Variants in DOK1 observed in about 807,000 individuals in gnomAD.
DOK1 encodes the protein Downstream of tyrosine kinase 1.
DOK1 carries 12 observed loss-of-function variants against 24.0 expected under a neutral mutation model. The observed-to-expected ratio is 0.50, with a 90% confidence interval of 0.32 to 0.81. The LOEUF (loss-of-function observed/expected upper bound fraction) is 0.81. DOK1 is among the 30% of genes least tolerant of loss of function. The pLI, the probability that DOK1 is intolerant of heterozygous loss-of-function variation, is 0.03. For synonymous variants in DOK1, 250 were observed against 260.9 expected, an observed-to-expected ratio of 0.96 and a Z score of 0.40; for missense variants, 591 against 620.7, an observed-to-expected ratio of 0.95 and a Z score of 0.51.
chr2:74,552,792 G>A (rs1399669321), upstream of DOK1: 3 of 693,152 alleles, frequency 4.3e-6, no homozygotes, highest in Admixed American at 9.2e-5. Context: ...AGAGCCCCAG[G>A]GACCAAGAGA....
upstream of DOK1, chr2:74,550,330 T>C (rs1381675584): frequency 1.2e-6 from 2 of 1,613,674 alleles, no homozygotes; most frequent in African/African-American, 2.7e-5. Context: ...GCAGCTCAAG[T>C]TGTCCAGCCA....
At position 74,556,169 on chromosome 2, in the gene DOK1, C is replaced by T. The variant is rs1677449504; in HGVS notation, c.639+91C>T. 2 of 1,529,752 alleles carry T rather than the reference C, an allele frequency of 1.3e-6. No individual in the cohort carries two copies. Among genetic ancestry groups the T allele is most frequent in the African/African-American group, 1.4e-5 (1 of 72,248 alleles). 94.8% of individuals were successfully genotyped at this position (1,529,752 alleles called of 1,614,324 possible). Reference sequence around the variant, plus strand: ...AAGTGGGAAGCTCTGACCTTTGGATCCCCCTTTCTTGCCTACCCGGTGACC... The same window carrying T: ...AAGTGGGAAGCTCTGACCTTTGGATTCCCCTTTCTTGCCTACCCGGTGACC... On this transcript the variant is annotated intron_variant, in intron 4 of 4. Transcript: ENST00000233668. The surrounding 1 kb of genome is among the most constrained non-coding windows in gnomAD (Gnocchi z 4.1).
chr2:74,552,625 C>G, upstream of DOK1: 1 of 1,560,234 alleles, frequency 6.4e-7, no homozygotes, highest in Non-Finnish European at 8.7e-7. Context: ...CAGACACTGA[C>G]AGGTCGCATG....
In DOK1 at chr2:74,549,475, C is replaced by A. The variant is rs201296491; in HGVS notation, c.-358+303C>A. 1 of 1,613,380 alleles carries A rather than the reference C, an allele frequency of 6.2e-7. No homozygotes were observed. On this transcript the variant is annotated intron_variant, in intron 1 of 4. Coordinates refer to the DOK1 transcript ENST00000409429. This position sits in a 1 kb window ranked among gnomAD's most constrained non-coding sequence, Gnocchi z 5.3. ...CCTTTGTCGCACACTTGCGACCAGCCGTCAGGAAGCCTGACTTCCACCAGC... is the reference window on the plus strand; with the variant it reads ...CCTTTGTCGCACACTTGCGACCAGCAGTCAGGAAGCCTGACTTCCACCAGC...
upstream of DOK1, among the ~76,000 whole-genome samples, chr2:74,553,433 T>C (rs1310840669): frequency 6.6e-6 from 1 of 152,032 alleles, no homozygotes; most frequent in Non-Finnish European, 1.5e-5. Context: ...TGGGGTAGGG[T>C]TGTCCCAGCC....
chr2:74,555,136 C>T lies in DOK1; in HGVS notation c.61-18C>T, dbSNP rs896042079. 30 of 1,566,248 alleles carry T rather than the reference C, an allele frequency of 1.9e-5. No individual in the cohort carries two copies. The highest frequency in any genetic ancestry group is 2.4e-5 in the Non-Finnish European group (28 of 1,151,662). On this transcript the variant is annotated intron_variant, in intron 1 of 4. Transcript: ENST00000233668. This position sits in a 1 kb window ranked among gnomAD's most constrained non-coding sequence, Gnocchi z 6.1. ...TGCGCACGCCACTCCCTCTCGAGCA[C>T]TCTCTCTCTCTCCCTAGAGGTGGAG...
chr2:74,553,834 T>A (rs1226136657), upstream of DOK1: 1 of 151,318 alleles, frequency 6.6e-6, no homozygotes. Flanking sequence ...ATCCTCTCCA[T>A]CCCCTACTCA....
At position 74,555,407 on chromosome 2, in the gene DOK1, C is replaced by G. The variant is rs199739083; in HGVS notation, c.314C>G (p.Pro105Arg). ...QRSHLLAADA[P>R]SSAAWVQTLC... ...TCGCACCTGCTGGCGGCCGACGCGC[C>G]GTCCAGTGCAGCCTGGGTGCAGACG... Residue 105 changes from proline (P) to arginine (R), a missense_variant, in exon 2 of 5, where the codon CCG becomes CGG. By Grantham distance (103) the Pro-to-Arg change is moderately radical. Coordinates refer to ENST00000233668, the MANE Select transcript of DOK1 (RefSeq NM_001381.5). This position sits in a 1 kb window ranked among gnomAD's most constrained non-coding sequence, Gnocchi z 6.1. The G allele has an allele frequency of 3.7e-4, 590 of 1,611,398 alleles. 5 individuals carry two copies. The East Asian group carries it at 0.011, about 30-fold the overall frequency.
Position 74,557,011 on chromosome 2 carries a change from T to C in DOK1, c.1343T>C (p.Leu448Pro). The C allele has an allele frequency of 1.2e-6, 2 of 1,614,182 alleles. No individual in the cohort carries two copies. Among genetic ancestry groups the C allele is most frequent in the Non-Finnish European group, 1.7e-6 (2 of 1,180,040 alleles). The stretch of plus-strand genomic sequence containing the variant: ...GGCATCAAAAGCCACAACTCAGCCC[T>C]GTACAGCCAGGTCCAGAAGAGCGGG... ...GSGIKSHNSALYSQVQKSGAS... is the reference protein window; with the variant it reads ...GSGIKSHNSAPYSQVQKSGAS... The change falls in exon 5 of 5, where the codon CTG (leucine) becomes CCG (proline). Residue 448 changes from leucine to proline, a missense_variant. By Grantham distance (98) the Leu-to-Pro change is moderately conservative. Coordinates refer to ENST00000233668, the MANE Select transcript of DOK1 (RefSeq NM_001381.5).
chr2:74,556,177 C>T lies in DOK1; in HGVS notation c.639+99C>T, dbSNP rs542949683. On this transcript the variant is annotated intron_variant, in intron 4 of 4. Transcript: ENST00000233668. The surrounding 1 kb of genome is among the most constrained non-coding windows in gnomAD (Gnocchi z 4.1). ...AGCTCTGACCTTTGGATCCCCCTTT[C>T]TTGCCTACCCGGTGACCCCGCGTCT... 1,764 of 1,529,878 alleles carry T rather than the reference C, an allele frequency of 1.2e-3. 2 individuals carry two copies. The highest frequency in any genetic ancestry group is 5.1e-3 in the Middle Eastern group (29 of 5,648). 94.8% of individuals were successfully genotyped at this position (1,529,878 alleles called of 1,614,324 possible). A position where few individuals can be genotyped will look rare whatever the true frequency, so the allele number is the denominator to read the frequency against.
At position 74,554,891 on chromosome 2, in the gene DOK1, C is replaced by T. The variant is rs1677305204; in HGVS notation, c.60+77C>T. On this transcript the variant is annotated intron_variant, in intron 1 of 4. Coordinates refer to ENST00000233668, the MANE Select transcript of DOK1 (RefSeq NM_001381.5). This position sits in a 1 kb window ranked among gnomAD's most constrained non-coding sequence, Gnocchi z 4.9. ...GAGCCCAGAAACAGGGAGAGGTGGG[C>T]AGCGGGCTGGAGAGCGGCGCCGGGA... is the stretch of plus-strand genomic sequence containing the variant. 6.9e-6 allele frequency: 11 copies of T among 1,589,816 alleles called. No homozygotes were observed. Among genetic ancestry groups the T allele is most frequent in the Non-Finnish European group, 9.4e-6 (11 of 1,167,410 alleles).
chr2:74,555,947 C>T lies in DOK1; in HGVS notation c.508C>T (p.Leu170=), dbSNP rs773703363. The stretch of plus-strand genomic sequence containing the variant: ...GACTGAGGCCGCCGAGCGCTGTGGC[C>T]TGCATGGCTCCTACGTGCTGAGGGT... ...QRTEAAERCG[L]HGSYVLRVEA... The change falls in exon 4 of 5, where the codon CTG becomes TTG. Residue 170 remains leucine, a synonymous_variant. Transcript: ENST00000233668. This position sits in a 1 kb window ranked among gnomAD's most constrained non-coding sequence, Gnocchi z 6.1. The T allele has an allele frequency of 6.8e-6, 11 of 1,613,780 alleles. No homozygotes were observed. Among genetic ancestry groups the T allele is most frequent in the Non-Finnish European group, 9.3e-6 (11 of 1,179,856 alleles).
rs201296491 is a variant in DOK1 at position 74,549,475 on chromosome 2, C to T, written c.-358+303C>T. On this transcript the variant is annotated intron_variant, in intron 1 of 4. Coordinates refer to the DOK1 transcript ENST00000409429. This position sits in a 1 kb window ranked among gnomAD's most constrained non-coding sequence, Gnocchi z 5.3. The stretch of plus-strand genomic sequence containing the variant: ...CCTTTGTCGCACACTTGCGACCAGC[C>T]GTCAGGAAGCCTGACTTCCACCAGC... 3.7e-5 allele frequency: 59 copies of T among 1,613,380 alleles called. No individual in the cohort carries two copies. The highest frequency in any genetic ancestry group is 4.7e-5 in the Non-Finnish European group (56 of 1,179,788).
At position 74,556,495 on chromosome 2, in the gene DOK1, A is replaced by G. The variant is rs754387292; in HGVS notation, c.827A>G (p.Glu276Gly). 2 of 1,614,098 alleles carry G rather than the reference A, an allele frequency of 1.2e-6. No individual in the cohort carries two copies. The highest frequency in any genetic ancestry group is 1.1e-5 in the South Asian group (1 of 91,084). ...RADSHEGEVA[E>G]GKLPSPPGPQ... Reference sequence around the variant, plus strand: ...GACTCCCATGAAGGGGAGGTGGCAGAGGGGAAGTTGCCTTCCCCACCTGGC... The same window carrying G: ...GACTCCCATGAAGGGGAGGTGGCAGGGGGGAAGTTGCCTTCCCCACCTGGC... The change falls in exon 5 of 5, where the codon GAG becomes GGG. Residue 276 changes from glutamate to glycine, a missense_variant. Transcript: ENST00000233668. This position sits in a 1 kb window ranked among gnomAD's most constrained non-coding sequence, Gnocchi z 4.1.
chr2:74,550,395 TG>T (rs1187697109), upstream of DOK1: 1 of 1,587,516 alleles, frequency 6.3e-7, no homozygotes, highest in Non-Finnish European at 8.6e-7. Flanking sequence ...GGAGGGAGGA[TG>T]GGGGAGTAAT....
At chr2:74,552,354 C>G, upstream of DOK1, 1 of 1,607,184 alleles carries the variant, frequency 6.2e-7, no homozygotes, top group East Asian at 2.2e-5. Context: ...ACTGTGGGTC[C>G]AGCCTGTGGC....
At chr2:74,550,678 C>T (rs967969804), upstream of DOK1, among the ~76,000 whole-genome samples, 2 of 152,194 alleles carry the variant, frequency 1.3e-5, no homozygotes, top group African/African-American at 4.8e-5. Context: ...GCCAGGTGCT[C>T]TGCCATGGTG....
rs1677548029 is a variant in DOK1 at position 74,557,212 on chromosome 2, A to G, written c.*98A>G. 7.8e-7 allele frequency: 1 copy of G among 1,277,946 alleles called. No homozygotes were observed. Among genetic ancestry groups the G allele is most frequent in the Non-Finnish European group, 1.1e-6 (1 of 932,584 alleles). The allele number at this position is 1,277,946 out of a possible 1,614,324, so 79.2% of individuals were successfully genotyped here. ...GAACCAGCAGAAGCCAGAGGGTGGG[A>G]GGGGCCATGCTGTGTGAGACCAGGG... On this transcript the variant is annotated 3_prime_UTR_variant, in exon 5 of 5. Transcript: ENST00000233668.
chr2:74,552,216 T>G, upstream of DOK1: 4 of 1,010,242 alleles, frequency 4.0e-6, no homozygotes. Context: ...ATGCTGGCTG[T>G]TCTTGGTGTC....
Sources: allele counts gnomAD v4.1 joint callset (sites outside exome capture counted in the v4.1 genomes callset), GRCh38; gene constraint gnomAD v4.1.1; non-coding constraint Gnocchi (gnomAD v3.1); transcripts MANE v1.5; gene names NCBI Gene and HGNC (gene_info 2026-07-23, HGNC 2026-07-21).